DMD: variants seen among roughly 807,000 people sequenced by gnomAD.
DMD encodes mutant dystrophin.
A neutral mutation model predicts 330.1 loss-of-function variants in DMD; 63 were observed. The observed-to-expected ratio is 0.19, with a 90% CI of 0.16 to 0.24. The LOEUF is 0.24. Ranked by LOEUF, DMD falls within the 10% of genes least tolerant of loss-of-function variation. The pLI is 1.00. For synonymous variants in DMD, 1,223 were observed against 959.8 expected (o/e 1.27, Z -5.07); for missense variants, 3,344 against 2,684.1 (o/e 1.25, Z -5.43).
At chrX:32,195,146 G>A (rs1382968991) in intron 44 of DMD, among the ~76,000 whole-genome samples, 1 of 111,365 alleles carries the variant, frequency 9.0e-6, no homozygotes, top group Admixed American at 9.6e-5. Context: ...TAAAATGGGA[G>A]ATAAATGATG....
chrX:32,024,983 C>T lies in DMD; in HGVS notation c.6439-56469G>A, dbSNP rs149333389. 4.8e-4 allele frequency among the ~76,000 whole-genome samples: 53 copies of T among 111,377 alleles called. No homozygotes were observed. In the East Asian group the frequency reaches 0.012, roughly 24 times the overall value. ...CTTCAATAAATGCAACAGGGGATCCCAATACTACAATTAAATCAGAGTGCA... is the reference window on the plus strand; with the variant it reads ...CTTCAATAAATGCAACAGGGGATCCTAATACTACAATTAAATCAGAGTGCA... On this transcript the variant is annotated intron_variant, in intron 44 of 78. Coordinates refer to ENST00000357033, the MANE Select transcript of DMD (RefSeq NM_004006.3).
intron 44 of DMD, among the ~76,000 whole-genome samples, chrX:32,127,214 G>T (rs1055232338): frequency 9.0e-6 from 1 of 111,612 alleles, no homozygotes; most frequent in African/African-American, 3.3e-5. Context: ...AGTGCTGCCA[G>T]GAAAATTTAA....
chrX:33,301,691 A>G (rs1353201446), intron 1 of DMD, among the ~76,000 whole-genome samples: 1 of 111,654 alleles, frequency 9.0e-6, no homozygotes, highest in Non-Finnish European at 1.9e-5. Flanking sequence ...TCCAGAGAGA[A>G]GGGATGCTGT....
At chrX:32,452,982 T>G (rs1272789743) in intron 26 of DMD, among the ~76,000 whole-genome samples, 1 of 110,865 alleles carries the variant, frequency 9.0e-6, no homozygotes, top group African/African-American at 3.3e-5. Flanking sequence ...TTTTTTTAAG[T>G]GGTTGGCTTT....
chrX:31,270,261 C>T (rs912526905), intron 62 of DMD, among the ~76,000 whole-genome samples: 1 of 109,307 alleles, frequency 9.1e-6, no homozygotes, highest in Non-Finnish European at 1.9e-5. Context: ...TCAAGTGTTC[C>T]GTTTGAATGT....
chrX:32,022,059 A>T (rs778801341), intron 44 of DMD, among the ~76,000 whole-genome samples: 8 of 112,155 alleles, frequency 7.1e-5, no homozygotes, highest in Admixed American at 2.8e-4. Flanking sequence ...CATTTTTTTT[A>T]AAGTAGTAGG....
chrX:32,498,397 C>T (rs2043710925), intron 19 of DMD, among the ~76,000 whole-genome samples: 1 of 110,222 alleles, frequency 9.1e-6, no homozygotes, highest in African/African-American at 3.3e-5. Context: ...AATTTCATGC[C>T]AAAATGCCAG....
intron 47 of DMD, among the ~76,000 whole-genome samples, chrX:31,885,611 C>CAAAAAAAAAAAAAAAAAAAAA (rs762289533): frequency 1.9e-5 from 1 of 52,341 alleles, no homozygotes; most frequent in Non-Finnish European, 3.3e-5. Context: ...CTCCGTCTCA[C>CAAAAAAAAAAAAAAAAAAAAA]AAAAAAAAAA....
intron 43 of DMD, among the ~76,000 whole-genome samples, chrX:32,286,815 C>T (rs1369419883): frequency 9.0e-6 from 1 of 111,357 alleles, no homozygotes; most frequent in Non-Finnish European, 1.9e-5. Context: ...GATTTGATTT[C>T]CTCTGAGAAT....
At chrX:33,098,232 A>T (rs190058708) in intron 1 of DMD, among the ~76,000 whole-genome samples, 2 of 111,730 alleles carry the variant, frequency 1.8e-5, no homozygotes, top group East Asian at 5.7e-4. Flanking sequence ...AAGCCTCAAC[A>T]CCTATAATAG....
intron 1 of DMD, among the ~76,000 whole-genome samples, chrX:33,117,304 C>T (rs1006771976): frequency 2.7e-5 from 3 of 110,453 alleles, no homozygotes; most frequent in African/African-American, 9.8e-5. Flanking sequence ...AGCATGTTGA[C>T]TATAGTTAAT....
chrX:32,821,608 T>A (rs2078261367), intron 5 of DMD, among the ~76,000 whole-genome samples: 1 of 106,660 alleles, frequency 9.4e-6, no homozygotes, highest in East Asian at 2.9e-4. Context: ...TAAAAAAAAA[T>A]AAAAATAAAA....
intron 44 of DMD, among the ~76,000 whole-genome samples, chrX:32,119,865 T>C (rs971761817): frequency 8.9e-6 from 1 of 112,299 alleles, no homozygotes; most frequent in East Asian, 2.8e-4. Context: ...TTGGGACTGA[T>C]TCCACAGCCC....
intron 30 of DMD, among the ~76,000 whole-genome samples, chrX:32,410,940 A>G (rs774621122): frequency 9.0e-6 from 1 of 111,667 alleles, no homozygotes; most frequent in African/African-American, 3.3e-5. Context: ...TGAATGAAGC[A>G]TGGGAGTGAG....
At chrX:33,021,258 T>C (rs1293370359) in intron 1 of DMD, among the ~76,000 whole-genome samples, 2 of 111,229 alleles carry the variant, frequency 1.8e-5, no homozygotes, top group African/African-American at 6.5e-5. Flanking sequence ...ACTGAATTCA[T>C]GCTTCTACAA....
At chrX:31,164,167 CCTT>C (rs1228599116) in intron 74 of DMD, among the ~76,000 whole-genome samples, 2 of 112,204 alleles carry the variant, frequency 1.8e-5, no homozygotes, top group East Asian at 5.6e-4. Context: ...CCAGTGTTCT[CCTT>C]CTGCTACATG....
chrX:32,783,350 G>C (rs763341293), intron 7 of DMD, among the ~76,000 whole-genome samples: 1 of 96,843 alleles, frequency 1.0e-5, no homozygotes, highest in Non-Finnish European at 2.1e-5. Context: ...CACATATATG[G>C]TATATATATA....
intron 1 of DMD, among the ~76,000 whole-genome samples, chrX:33,280,623 TGTG>T (rs2053314851): frequency 1.8e-5 from 2 of 111,976 alleles, no homozygotes; most frequent in Non-Finnish European, 3.8e-5. Context: ...GTTATTTGAT[TGTG>T]GTGATGGTTT....
In DMD at chrX:33,211,481, C is replaced by G. The variant is rs901739758; in HGVS notation, c.-169G>C. On this transcript the variant is annotated 5_prime_UTR_variant, in exon 1 of 79. Coordinates refer to ENST00000357033, the MANE Select transcript of DMD (RefSeq NM_004006.3). ...CGTTTTTCTCCGAAGGTAATTGCCT[C>G]CCAGATCTGAGTCCTGTAGGGGGAA... The G allele has an allele frequency of 2.7e-6, 3 of 1,115,766 alleles. No homozygotes were observed. In the African/African-American group the frequency reaches 5.6e-5, roughly 21 times the overall value. The allele number at this position is 1,115,766 out of a possible 1,213,427, so 92.0% of individuals were successfully genotyped here.
Sources: allele counts gnomAD v4.1 joint callset (sites outside exome capture counted in the v4.1 genomes callset), GRCh38; gene constraint gnomAD v4.1.1; transcripts MANE v1.5; gene names NCBI Gene and HGNC (gene_info 2026-07-23, HGNC 2026-07-21).